The following BCLAF1 variants were observed in gnomAD, a reference collection of about 807,000 sequenced individuals.
BCLAF1 encodes the protein bcl-2-associated transcription factor 1.
Under a neutral mutation model 99.5 loss-of-function variants are expected in BCLAF1, and 10 were observed. That is an observed-to-expected ratio of 0.10 (90% CI 0.06 to 0.17). The LOEUF (loss-of-function observed/expected upper bound fraction) is 0.17, where lower values mean the gene tolerates loss of function less well. Ranked by LOEUF, BCLAF1 falls within the 10% of genes least tolerant of loss-of-function variation. The pLI, the probability that BCLAF1 is intolerant of heterozygous loss-of-function variation, is 1.00. For synonymous variants in BCLAF1, 255 were observed against 370.9 expected (o/e 0.69, Z 3.59); for missense variants, 636 against 1,105.8 (o/e 0.58, Z 6.02).
chr6:136,269,221 T>A, intron 9 of BCLAF1: 2 of 1,311,810 alleles, frequency 1.5e-6, no homozygotes, highest in Non-Finnish European at 9.9e-7. Context: ...TAATTTGTCA[T>A]TTTTTTTTTC....
At chr6:136,279,709 C>T in intron 3 of BCLAF1, 54 bp downstream of exon 3, 2 of 1,403,538 alleles carry the variant, frequency 1.4e-6, no homozygotes, top group South Asian at 1.7e-5. Context: ...GATACTCATT[C>T]AACAAGTATT....
chr6:136,276,884 CA>C (rs543367726), intron 4 of BCLAF1, among the ~76,000 whole-genome samples: 114 of 152,184 alleles, frequency 7.5e-4, no homozygotes, highest in Non-Finnish European at 1.4e-3. Flanking sequence ...TAATTATCCC[CA>C]AAATTCCAGA....
At chr6:136,288,789 G>A (rs1785519738) in intron 1 of BCLAF1, among the ~76,000 whole-genome samples, 1 of 152,160 alleles carries the variant, frequency 6.6e-6, no homozygotes, top group South Asian at 2.1e-4. Context: ...AGTCCAATTC[G>A]CCACTCCCAC....
chr6:136,261,387 T>G lies in BCLAF1; in HGVS notation c.2635A>C (p.Lys879Gln). The G allele has an allele frequency of 6.2e-7, 1 of 1,613,942 alleles. No individual in the cohort carries two copies. The highest frequency in any genetic ancestry group is 8.5e-7 in the Non-Finnish European group (1 of 1,179,890). ...CATTTAGGACTGCTACCTGATTTTT[T>G]GAAGTTAAAGCGCCCTCTGCCACGT... ...FQRGRGRFNFKKSGSSPKWTH... is the reference protein window; with the variant it reads ...FQRGRGRFNFQKSGSSPKWTH... Residue 879 changes from lysine (K) to glutamine (Q), a missense_variant, in exon 12 of 13, where the codon AAA (lysine) becomes CAA (glutamine). Coordinates refer to ENST00000531224, the MANE Select transcript of BCLAF1 (RefSeq NM_014739.3).
chr6:136,276,495 C>A lies in BCLAF1; in HGVS notation c.1030G>T (p.Glu344Ter). 1 of 1,578,496 alleles carries A rather than the reference C, an allele frequency of 6.3e-7. No individual in the cohort carries two copies. The highest frequency in any genetic ancestry group is 8.6e-7 in the Non-Finnish European group (1 of 1,167,716). The change falls in exon 5 of 13, where the codon GAG (glutamate) becomes TAG (stop). Residue 344 changes from glutamate to a stop codon, truncating the protein, a stop_gained. Transcript: ENST00000531224. LOFTEE classifies it high-confidence loss of function. The stretch of plus-strand genomic sequence containing the variant: ...CTATCAAGCAGGAATACTCTAGACT[C>A]TTCATCTGTGAACCTGCGAATAAGC... ...GKFLKRFTDEESRVFLLDRGN... is the reference protein window; with the variant it reads ...GKFLKRFTDE
intron 6 of BCLAF1, among the ~76,000 whole-genome samples, chr6:136,273,796 A>G (rs17065419): frequency 1.3e-5 from 2 of 152,052 alleles, no homozygotes; most frequent in African/African-American, 2.4e-5. Flanking sequence ...GTCTCTCTTT[A>G]AACAATTTTC....
chr6:136,284,130 G>GTGTGTGTATATATATA (rs36141174), intron 1 of BCLAF1, among the ~76,000 whole-genome samples: 13 of 122,102 alleles, frequency 1.1e-4, no homozygotes, highest in African/African-American at 5.3e-4. Flanking sequence ...GTGTGTGTGT[G>GTGTGTGTATATATATA]TATATATATA....
chr6:136,263,775 T>C (rs1459785717), intron 11 of BCLAF1, among the ~76,000 whole-genome samples: 1 of 152,194 alleles, frequency 6.6e-6, no homozygotes, highest in Non-Finnish European at 1.5e-5. Flanking sequence ...ACTTCAGTAC[T>C]TTCCCACTTG....
intron 9 of BCLAF1, 198 bp downstream of exon 9, chr6:136,269,239 G>T: frequency 6.7e-7 from 1 of 1,489,542 alleles, no homozygotes; most frequent in Non-Finnish European, 8.9e-7. Context: ...TTCAGTGTTA[G>T]CTTGCTATTC....
At chr6:136,282,759 T>A (rs148169654) in intron 1 of BCLAF1, 72 bp from the exon 2 acceptor site, 1 of 152,296 alleles carries the variant, frequency 6.6e-6, no homozygotes, top group African/African-American at 2.4e-5. Flanking sequence ...ATGCATATAA[T>A]GGGCACTGCC....
rs1198432265 is a variant in BCLAF1 at position 136,257,628 on chromosome 6, G to C, written c.*3482C>G. 1 of 152,060 alleles carries C rather than the reference G, an allele frequency of 6.6e-6. No homozygotes were observed. Among genetic ancestry groups the C allele is most frequent in the African/African-American group, 2.4e-5 (1 of 41,396 alleles). 9.4% of individuals were successfully genotyped at this position (152,060 alleles called of 1,614,324 possible). A position where few individuals can be genotyped will look rare whatever the true frequency, so the allele number is the denominator to read the frequency against. On this transcript the variant is annotated 3_prime_UTR_variant, in exon 13 of 13. Transcript: ENST00000531224. ...ATAAAATTTGAAACATTTAATAATA[G>C]TATCAACTATTTGAGAACTCTAAAC...
intron 4 of BCLAF1, 127 bp from the exon 5 acceptor site, chr6:136,276,635 T>C: frequency 1.8e-6 from 2 of 1,116,734 alleles, no homozygotes; most frequent in Non-Finnish European, 2.4e-6. Context: ...TGAAAAGTGC[T>C]TTTTCAGATT....
At chr6:136,261,564 C>CTGAAGATTGGGTATATGAGATTGGTA in intron 11 of BCLAF1, 87 bp from the exon 12 acceptor site, 1 of 1,354,078 alleles carries the variant, frequency 7.4e-7, no homozygotes, top group East Asian at 2.3e-5. Flanking sequence ...TATTAATCTT[C>CTGAAGATTGGGTATATGAGATTGGTA]TGAAGATTGG....
At chr6:136,272,845 T>G (rs1197884201) in intron 7 of BCLAF1, among the ~76,000 whole-genome samples, 1 of 151,998 alleles carries the variant, frequency 6.6e-6, no homozygotes, top group Non-Finnish European at 1.5e-5. Context: ...GATAACTATT[T>G]AATTCCATAC....
chr6:136,276,094 C>T lies in BCLAF1; in HGVS notation c.1431G>A (p.Lys477=). ...CAGAATTTTTGTCTTCTTCTTTGTG[C>T]TTATCTTTTGTAGTGCTAGGCCTTT... ...VVERPSTTKD[K]HKEEDKNSER... Residue 477 remains lysine, a synonymous_variant, in exon 5 of 13, where the codon AAG becomes AAA. Transcript: ENST00000531224. The T allele has an allele frequency of 6.2e-7, 1 of 1,609,462 alleles. No individual in the cohort carries two copies. The highest frequency in any genetic ancestry group is 8.5e-7 in the Non-Finnish European group (1 of 1,178,976).
intron 1 of BCLAF1, among the ~76,000 whole-genome samples, chr6:136,288,296 C>G (rs1285507385): frequency 2.6e-5 from 4 of 152,174 alleles, no homozygotes; most frequent in Non-Finnish European, 5.9e-5. Flanking sequence ...CTGTTGCCCC[C>G]GCTGGAGTGC....
Position 136,260,268 on chromosome 6 carries a change from G to A in BCLAF1, c.*842C>T, listed in dbSNP as rs568383755. The stretch of plus-strand genomic sequence containing the variant: ...ACCCCAGGATTACAGTTTTTCTTCT[G>A]TTTAAAACTAGGATGTTCAGTAGAA... On this transcript the variant is annotated 3_prime_UTR_variant, in exon 13 of 13. Transcript: ENST00000531224. 6.6e-6 allele frequency: 1 copy of A among 152,008 alleles called. No homozygotes were observed. Among genetic ancestry groups the A allele is most frequent in the South Asian group, 2.1e-4 (1 of 4,814 alleles). The allele number at this position is 152,008 out of a possible 1,614,324, so 9.4% of individuals were successfully genotyped here.
At chr6:136,288,515 G>A (rs1194778684) in intron 1 of BCLAF1, among the ~76,000 whole-genome samples, 1 of 152,176 alleles carries the variant, frequency 6.6e-6, no homozygotes, top group Admixed American at 6.5e-5. Flanking sequence ...ATTCACAAGA[G>A]GAACAAGAAA....
At chr6:136,264,503 C>G (rs1404693857) in intron 11 of BCLAF1, among the ~76,000 whole-genome samples, 5 of 152,112 alleles carry the variant, frequency 3.3e-5, no homozygotes, top group Non-Finnish European at 1.5e-5. Context: ...CCGTGCCTGG[C>G]CTGTTAGTTA....
Sources: allele counts gnomAD v4.1 joint callset (sites outside exome capture counted in the v4.1 genomes callset), GRCh38; gene constraint gnomAD v4.1.1; transcripts MANE v1.5; gene names NCBI Gene and HGNC (gene_info 2026-07-23, HGNC 2026-07-21).